The following SNRPN variants were observed in gnomAD, a reference collection of about 807,000 sequenced individuals.
SNRPN encodes small nuclear ribonucleoprotein polypeptide N.
A neutral mutation model predicts 25.2 loss-of-function variants in SNRPN; 7 were observed. The observed-to-expected ratio is 0.28, with a 90% confidence interval of 0.16 to 0.52. The LOEUF is 0.52. Ranked by LOEUF, SNRPN falls within the 20% of genes least tolerant of loss-of-function variation. The pLI, the probability that SNRPN is intolerant of heterozygous loss-of-function variation, is 0.96. For missense variants in SNRPN, 196 were observed against 322.5 expected (o/e 0.61, Z 3.00); for synonymous variants, 124 against 110.6 (o/e 1.12, Z -0.76).
At chr15:24,835,271 A>T (rs1336471610) in intron 2 of SNRPN, among the ~76,000 whole-genome samples, 1 of 151,212 alleles carries the variant, frequency 6.6e-6, no homozygotes, top group Non-Finnish European at 1.5e-5. Context: ...TTCTTCTTAT[A>T]TGTGACTACA....
chr15:24,975,724 G>A (rs930534751), intron 5 of SNRPN, among the ~76,000 whole-genome samples: 1 of 152,140 alleles, frequency 6.6e-6, no homozygotes, highest in Non-Finnish European at 1.5e-5. Context: ...ATTTATTACT[G>A]GGAGTAAAAG....
intron 2 of SNRPN, among the ~76,000 whole-genome samples, chr15:24,904,406 G>A (rs1319989627): frequency 4.6e-5 from 7 of 152,136 alleles, no homozygotes; most frequent in African/African-American, 9.7e-5. Flanking sequence ...TGTAATCCTA[G>A]CACTTTGGAA....
intron 1 of SNRPN, among the ~76,000 whole-genome samples, chr15:24,870,855 ATTT>A (rs11367544): frequency 0.094 from 13,849 of 147,076 alleles, 891 homozygotes; most frequent in South Asian, 0.19. Context: ...CCTACAAATA[ATTT>A]TTTTTTTTTG....
At chr15:24,962,336 TGTA>T in intron 2 of SNRPN, 127 bp downstream of exon 2, 1 of 759,404 alleles carries the variant, frequency 1.3e-6, no homozygotes, top group Non-Finnish European at 2.3e-6. Flanking sequence ...ATACAGAAGA[TGTA>T]GTAAAAAAGC....
Position 24,975,973 on chromosome 15 carries a change from G to A in SNRPN, c.156-332G>A, listed in dbSNP as rs557612013. On this transcript the variant is annotated intron_variant, in intron 5 of 9. Transcript: ENST00000390687. ...CTGTCATTATGATTTAATTATTTAA[G>A]TAATTTTTTAAAGAAATTTCCATTT... is the stretch of plus-strand genomic sequence containing the variant. Among the ~76,000 whole-genome samples the A allele has an allele frequency of 1.3e-5, 2 of 152,210 alleles. 1 individual carries two copies. The highest frequency in any genetic ancestry group is 4.1e-4 in the South Asian group (2 of 4,828).
At chr15:24,828,774 C>T (rs1182925376) in intron 1 of SNRPN, among the ~76,000 whole-genome samples, 2 of 152,002 alleles carry the variant, frequency 1.3e-5, no homozygotes, top group African/African-American at 2.4e-5. Flanking sequence ...AGCAAGGAAG[C>T]CATACTAATG....
At chr15:24,928,396 TA>T (rs148561561) in intron 3 of SNRPN, among the ~76,000 whole-genome samples, 3,938 of 151,956 alleles carry the variant, frequency 0.026, 174 homozygotes, top group African/African-American at 0.091. Context: ...TATTTAGCCA[TA>T]AAAAAAGAAT....
intron 2 of SNRPN, among the ~76,000 whole-genome samples, chr15:24,905,750 C>T (rs987998726): frequency 6.6e-6 from 1 of 152,060 alleles, no homozygotes; most frequent in African/African-American, 2.4e-5. Flanking sequence ...CTTCTGAGTC[C>T]AGAGATCAGC....
At chr15:24,956,426 C>T (rs1462391223) in intron 1 of SNRPN, among the ~76,000 whole-genome samples, 3 of 151,902 alleles carry the variant, frequency 2.0e-5, no homozygotes, top group Non-Finnish European at 4.4e-5. Flanking sequence ...TCAGCTTCTG[C>T]TGTTTCGGAG....
intron 1 of SNRPN, among the ~76,000 whole-genome samples, 198 bp downstream of exon 1, chr15:24,955,260 G>C (rs1338432559): frequency 6.6e-6 from 1 of 152,044 alleles, no homozygotes; most frequent in African/African-American, 2.4e-5. Context: ...TATCCTGTCC[G>C]CTCGCATTGG....
At chr15:24,836,434 G>A (rs1312316870) in intron 2 of SNRPN, among the ~76,000 whole-genome samples, 2 of 150,832 alleles carry the variant, frequency 1.3e-5, no homozygotes, top group Admixed American at 6.6e-5. Flanking sequence ...TTTTTGAGAC[G>A]GAGCCTCACT....
chr15:24,834,927 A>AC (rs1250840527), intron 2 of SNRPN, among the ~76,000 whole-genome samples: 1 of 129,494 alleles, frequency 7.7e-6, no homozygotes, highest in Non-Finnish European at 1.6e-5. Context: ...CCATCTGAAA[A>AC]AAAAAAAAGA....
At chr15:24,869,110 G>A (rs913854178) in intron 1 of SNRPN, among the ~76,000 whole-genome samples, 10 of 152,160 alleles carry the variant, frequency 6.6e-5, no homozygotes, top group East Asian at 1.9e-4. Flanking sequence ...ACACCACAGC[G>A]CTCCAGCCTG....
chr15:24,910,893 G>A, intron 2 of SNRPN: 1 of 656,670 alleles, frequency 1.5e-6, no homozygotes, highest in South Asian at 1.9e-5. Flanking sequence ...TCTCCTGAAG[G>A]ACCATCCTTC....
intron 2 of SNRPN, among the ~76,000 whole-genome samples, chr15:24,887,218 G>C (rs1490529713): frequency 1.4e-5 from 2 of 147,966 alleles, no homozygotes; most frequent in Non-Finnish European, 3.0e-5. Context: ...CATGATCTCA[G>C]CTCACTGCAA....
intron 2 of SNRPN, among the ~76,000 whole-genome samples, chr15:24,908,403 G>A (rs1319469299): frequency 6.6e-6 from 1 of 152,156 alleles, no homozygotes; most frequent in East Asian, 1.9e-4. Context: ...TTCTGACGAG[G>A]CTTCAGAAGA....
intron 3 of SNRPN, among the ~76,000 whole-genome samples, chr15:24,946,544 G>A (rs544017761): frequency 3.8e-4 from 58 of 152,240 alleles, no homozygotes; most frequent in South Asian, 8.3e-4. Flanking sequence ...ATCATGGCTC[G>A]TTGTAGCCTT....
chr15:24,837,755 C>T (rs2051343226), intron 2 of SNRPN, among the ~76,000 whole-genome samples: 1 of 150,790 alleles, frequency 6.6e-6, no homozygotes, highest in Admixed American at 6.6e-5. Flanking sequence ...GTTGGAGTCT[C>T]ACTCTGTCGC....
chr15:24,828,939 G>A (rs924408070), intron 1 of SNRPN, among the ~76,000 whole-genome samples: 6 of 152,030 alleles, frequency 3.9e-5, no homozygotes, highest in African/African-American at 9.7e-5. Flanking sequence ...GGCTGGAGAA[G>A]AGGCTGAGGG....
Sources: gnomAD v4.1 joint callset for allele counts (sites outside exome capture counted in the v4.1 genomes callset) on GRCh38, gnomAD v4.1.1 for gene constraint, MANE v1.5 for transcripts, NCBI Gene and HGNC (gene_info 2026-07-23, HGNC 2026-07-21) for gene names.